ARHGAP27: variants seen among roughly 807,000 people sequenced by gnomAD.
ARHGAP27 encodes rho GTPase-activating protein 27.
Under a neutral mutation model 102.0 loss-of-function variants are expected in ARHGAP27, and 53 were observed. That is an observed-to-expected ratio of 0.52 (90% CI 0.42 to 0.65). ARHGAP27 has a LOEUF of 0.65. ARHGAP27 is among the 30% of genes least tolerant of loss of function. The probability of loss-of-function intolerance (pLI) is 0.00; values close to 1 mark genes in which losing one functional copy is unlikely to be tolerated. For missense variants in ARHGAP27, 1,117 were observed against 1,256.2 expected (o/e 0.89, Z 1.68); for synonymous variants, 525 against 542.8 (o/e 0.97, Z 0.46).
rs781494716 is a variant in ARHGAP27, at chr17:45,395,541, G to A, written c.2585C>T (p.Thr862Ile). The change falls in exon 20 of 20, where the codon ACC becomes ATC. Residue 862 changes from threonine to isoleucine, a missense_variant. Around this residue, in one of 3 missense-constraint regions of ARHGAP27, gnomAD observed 493 missense variants for 505.5 expected, o/e 0.98. Coordinates refer to ENST00000685559, the MANE Select transcript of ARHGAP27 (RefSeq NM_001282290.2). ...PTLLRPEVEE[T>I]SMPMTMVFQN... ...GAACACCATGGTCATGGGCATGCTG[G>A]TCTCTTCCACCTCGGGCCGCAGCAG... 1.9e-6 allele frequency: 3 copies of A among 1,603,238 alleles called. No individual in the cohort carries two copies. The South Asian group carries it at 3.4e-5, about 18-fold the overall frequency.
intron 4 of ARHGAP27, chr17:45,429,293 G>A (rs1429336868): frequency 1.7e-5 from 14 of 821,110 alleles, no homozygotes; most frequent in Non-Finnish European, 2.1e-5. Context: ...TTGCATTTCT[G>A]CAGCGAAACA....
chr17:45,411,062 C>T (rs986902598), intron 4 of ARHGAP27, among the ~76,000 whole-genome samples: 9 of 152,256 alleles, frequency 5.9e-5, no homozygotes, highest in African/African-American at 1.7e-4. Context: ...TGTCCACATA[C>T]GTGTACAAGT....
chr17:45,429,345 C>T, intron 4 of ARHGAP27: 1 of 1,124,278 alleles, frequency 8.9e-7, no homozygotes, highest in Non-Finnish European at 1.2e-6. Context: ...CCATCAGCAG[C>T]CTCACATCAG....
chr17:45,423,924 T>C (rs894582534), intron 4 of ARHGAP27, among the ~76,000 whole-genome samples: 10 of 152,224 alleles, frequency 6.6e-5, no homozygotes, highest in Non-Finnish European at 1.0e-4. Context: ...ATATTTGTAA[T>C]GGAGTTAAGC....
chr17:45,399,736 C>T (rs1480001467), intron 12 of ARHGAP27, among the ~76,000 whole-genome samples: 1 of 152,046 alleles, frequency 6.6e-6, no homozygotes, highest in South Asian at 2.1e-4. Context: ...CAAGATTATC[C>T]CAGAGAATGG....
chr17:45,420,968 A>AC (rs34744249), intron 4 of ARHGAP27, among the ~76,000 whole-genome samples: 1 of 147,642 alleles, frequency 6.8e-6, no homozygotes, highest in South Asian at 2.2e-4. Context: ...AAAAAAAAAA[A>AC]GACTGATTTT....
At chr17:45,421,129 G>A (rs1308354972) in intron 4 of ARHGAP27, among the ~76,000 whole-genome samples, 1 of 132,402 alleles carries the variant, frequency 7.6e-6, no homozygotes, top group Admixed American at 8.7e-5. Context: ...ATAAACTGGG[G>A]GGGACCCAGT....
Position 45,403,604 on chromosome 17 carries a change from A to T in ARHGAP27, c.1638+15T>A. The T allele has an allele frequency of 6.3e-7, 1 of 1,597,680 alleles. No individual in the cohort carries two copies. Among genetic ancestry groups the T allele is most frequent in the Non-Finnish European group, 8.5e-7 (1 of 1,171,118 alleles). On this transcript the variant is annotated intron_variant, in intron 11 of 19. Coordinates refer to ENST00000685559, the MANE Select transcript of ARHGAP27 (RefSeq NM_001282290.2). ...AGCAGATGGGATGGTCCCTGCCCTG[A>T]GGGCCTGGCCTTACCAGGCCGCCTG... is the stretch of plus-strand genomic sequence containing the variant.
At chr17:45,403,307 C>G (rs1397458333) in intron 11 of ARHGAP27, among the ~76,000 whole-genome samples, 2 of 152,196 alleles carry the variant, frequency 1.3e-5, no homozygotes, top group African/African-American at 2.4e-5. Flanking sequence ...CGCCTGTAAT[C>G]TCAGCACTTG....
chr17:45,429,641 CG>C lies in ARHGAP27; in HGVS notation c.638del (p.Pro213ArgfsTer19). ...EVIQDLHVPP[P>X]EESAEQVDDP... ...GAGGTACCTGCTCTGCGCTCTCCTC[CG>C]GCGGCGGGACGTGCAAGTCCTGGAT... On this transcript the variant is annotated frameshift_variant, in exon 4 of 20. Coordinates refer to ENST00000685559, the MANE Select transcript of ARHGAP27 (RefSeq NM_001282290.2). LOFTEE classifies it high-confidence loss of function. 1 of 1,583,720 alleles carries C rather than the reference CG, an allele frequency of 6.3e-7. No homozygotes were observed. The highest frequency in any genetic ancestry group is 8.6e-7 in the Non-Finnish European group (1 of 1,164,850).
At position 45,396,221 on chromosome 17, in the gene ARHGAP27, T is replaced by G. The variant is rs144020235; in HGVS notation, c.2237A>C (p.Tyr746Ser). 3.1e-6 allele frequency: 5 copies of G among 1,613,078 alleles called. No homozygotes were observed. The highest frequency in any genetic ancestry group is 1.7e-5 in the Admixed American group (1 of 59,916). The part of the protein sequence containing the change: ...GNLATIQKLR[Y>S]KVDHDERLDL... The stretch of plus-strand genomic sequence containing the variant: ...ACGGGCCTCACCGTGGTCCACCTTA[T>G]AGCGTAGCTTCTGGATGGTGGCCAG... The change falls in exon 17 of 20, where the codon TAT becomes TCT. Residue 746 changes from tyrosine to serine, a missense_variant. Coordinates refer to ENST00000685559, the MANE Select transcript of ARHGAP27 (RefSeq NM_001282290.2).
At chr17:45,410,261 T>C (rs1309289596) in intron 4 of ARHGAP27, 11 of 1,533,248 alleles carry the variant, frequency 7.2e-6, no homozygotes, top group Non-Finnish European at 8.7e-6. Context: ...CTCTGCCTCC[T>C]GGTCACTTTG....
chr17:45,395,560 G>T lies in ARHGAP27; in HGVS notation c.2566C>A (p.Arg856=). 1.2e-6 allele frequency: 2 copies of T among 1,604,088 alleles called. No individual in the cohort carries two copies. The highest frequency in any genetic ancestry group is 1.7e-6 in the Non-Finnish European group (2 of 1,175,664). The change falls in exon 20 of 20, where the codon CGG becomes AGG. Residue 856 remains arginine, a synonymous_variant. Transcript: ENST00000685559. ...VAIVFGPTLL[R]PEVEETSMPM... ...ATGCTGGTCTCTTCCACCTCGGGCC[G>T]CAGCAGCGTGGGCCCGAACACAATG...
chr17:45,394,382 A>C lies in ARHGAP27; in HGVS notation c.*1074T>G, dbSNP rs956818705. ...TTCCCCACACCCTGCAGGCCTGCCC[A>C]GCTCTTCGTGGCAAAGCGGGCCCCA... On this transcript the variant is annotated 3_prime_UTR_variant, in exon 20 of 20. Transcript: ENST00000685559. The C allele has an allele frequency of 6.6e-6, 1 of 152,400 alleles. No individual in the cohort carries two copies. The highest frequency in any genetic ancestry group is 2.4e-5 in the African/African-American group (1 of 41,414). 9.4% of individuals were successfully genotyped at this position (152,400 alleles called of 1,614,324 possible). A position where few individuals can be genotyped will look rare whatever the true frequency, so the allele number is the denominator to read the frequency against.
chr17:45,397,051 G>A (rs371091359), intron 13 of ARHGAP27, 27 bp from the exon 14 acceptor site: 46 of 1,599,218 alleles, frequency 2.9e-5, no homozygotes, highest in Non-Finnish European at 3.5e-5. Context: ...TCAGAGAGGC[G>A]GGGCCTTGAG....
rs538551607 is a variant in ARHGAP27 at position 45,395,233 on chromosome 17, C to CGGGAA, written c.*218_*222dup. The CGGGAA allele has an allele frequency of 1.1e-3, 675 of 600,076 alleles. 4 individuals carry two copies. Among genetic ancestry groups the CGGGAA allele is most frequent in the South Asian group, 4.5e-3 (209 of 46,568 alleles). 37.2% of individuals were successfully genotyped at this position (600,076 alleles called of 1,614,324 possible). On this transcript the variant is annotated 3_prime_UTR_variant, in exon 20 of 20. Coordinates refer to ENST00000685559, the MANE Select transcript of ARHGAP27 (RefSeq NM_001282290.2). ...GAATTAACCCCCAAACAGGACGTGA[C>CGGGAA]GGGAAGGGAAGGGGGGATGGGGAGT...
chr17:45,422,480 T>C (rs1275692213), intron 4 of ARHGAP27, among the ~76,000 whole-genome samples: 1 of 151,634 alleles, frequency 6.6e-6, no homozygotes, highest in Non-Finnish European at 1.5e-5. Context: ...ATGATAATAG[T>C]AGGAAATAAA....
At position 45,427,480 on chromosome 17, in the gene ARHGAP27, A is replaced by G. The variant is rs1185800359; in HGVS notation, c.657+2143T>C. The stretch of plus-strand genomic sequence containing the variant: ...GGCTTGGCAGGTATTCAGCTAGTTG[A>G]TGCCTAATGAAGGAGTGAATGGGCC... On this transcript the variant is annotated intron_variant, in intron 4 of 19. Transcript: ENST00000685559. The surrounding 1 kb of genome is among the most constrained non-coding windows in gnomAD (Gnocchi z 4.5). Among the ~76,000 whole-genome samples, 1 of 152,238 alleles carries G rather than the reference A, an allele frequency of 6.6e-6. No individual in the cohort carries two copies. The highest frequency in any genetic ancestry group is 1.5e-5 in the Non-Finnish European group (1 of 68,042).
chr17:45,405,931 C>T lies in ARHGAP27; in HGVS notation c.810G>A (p.Thr270=), dbSNP rs967914283. The T allele has an allele frequency of 6.5e-7, 1 of 1,535,902 alleles. No homozygotes were observed. Among genetic ancestry groups the T allele is most frequent in the East Asian group, 2.4e-5 (1 of 40,898 alleles). Residue 270 remains threonine (T), a synonymous_variant, in exon 5 of 20, where the codon ACG becomes ACA. Coordinates refer to ENST00000685559, the MANE Select transcript of ARHGAP27 (RefSeq NM_001282290.2). The stretch of plus-strand genomic sequence containing the variant: ...AGGGCGACTCCCAGGTGGTAACTCC[C>T]GTGTCTGGGTTGTAGTAGTAGGGGC... ...TGRPYYYNPD[T]GVTTWESPFE... is the part of the protein sequence containing the mutation.
Sources: gnomAD v4.1 joint callset for allele counts (sites outside exome capture counted in the v4.1 genomes callset) on GRCh38, gnomAD v4.1.1 for gene constraint, gnomAD v4.1.1 regional missense constraint, Gnocchi (gnomAD v3.1) non-coding constraint, MANE v1.5 for transcripts, NCBI Gene and HGNC (gene_info 2026-07-23, HGNC 2026-07-21) for gene names.